Variants in CEP126 observed in about 807,000 individuals in gnomAD.
CEP126 encodes centrosomal protein 126.
CEP126 carries 74 observed loss-of-function variants against 107.8 expected under a neutral mutation model. The ratio of observed to expected loss-of-function variants is 0.69; its 90% confidence interval spans 0.57 to 0.83. CEP126 has a LOEUF of 0.83. CEP126 is among the 40% of genes least tolerant of loss of function. The probability of loss-of-function intolerance (pLI) is 0.00; values close to 1 mark genes in which losing one functional copy is unlikely to be tolerated. For missense variants in CEP126, 1,237 were observed against 1,281.9 expected (o/e 0.96, Z 0.53); for synonymous variants, 449 against 446.0 (o/e 1.01, Z -0.08).
chr11:101,941,747 A>C (rs1481642300), intron 2 of CEP126, among the ~76,000 whole-genome samples: 1 of 152,134 alleles, frequency 6.6e-6, no homozygotes, highest in Non-Finnish European at 1.5e-5. Flanking sequence ...ACCATGTTAC[A>C]TTTCCACCAG....
intron 1 of CEP126, among the ~76,000 whole-genome samples, chr11:101,919,657 A>G (rs1940291979): frequency 6.6e-6 from 1 of 152,214 alleles, no homozygotes; most frequent in South Asian, 2.1e-4. Flanking sequence ...CAGGAAACAT[A>G]CTATACTATT....
intron 6 of CEP126, among the ~76,000 whole-genome samples, chr11:101,973,089 C>T (rs116439254): frequency 0.021 from 3,132 of 152,266 alleles, 60 homozygotes; most frequent in African/African-American, 0.05. Context: ...CTAGTTTCCT[C>T]CTTTTATGAA....
chr11:101,918,701 C>G (rs1164186676), intron 1 of CEP126, among the ~76,000 whole-genome samples: 1 of 152,132 alleles, frequency 6.6e-6, no homozygotes, highest in Admixed American at 6.5e-5. Context: ...GGGAATAATT[C>G]AGGAGGTTTT....
intron 6 of CEP126, among the ~76,000 whole-genome samples, chr11:101,966,509 G>C (rs1267493458): frequency 6.6e-6 from 1 of 152,170 alleles, no homozygotes; most frequent in Non-Finnish European, 1.5e-5. Context: ...TTAGATCCAA[G>C]CCATTCGACT....
intron 10 of CEP126, 98 bp from the exon 11 acceptor site, chr11:101,997,501 A>T (rs999402946): frequency 1.3e-6 from 2 of 1,584,064 alleles, no homozygotes; most frequent in African/African-American, 2.7e-5. Context: ...TGATGTCAGG[A>T]TGTGTTGAAT....
At chr11:101,946,803 A>G (rs1940743088) in intron 3 of CEP126, among the ~76,000 whole-genome samples, 1 of 152,188 alleles carries the variant, frequency 6.6e-6, no homozygotes, top group Admixed American at 6.5e-5. Flanking sequence ...CAAAGGTCGT[A>G]GTAAGCAGAG....
At chr11:101,938,269 A>G (rs1940619855) in intron 2 of CEP126, among the ~76,000 whole-genome samples, 1 of 150,374 alleles carries the variant, frequency 6.7e-6, no homozygotes, top group Non-Finnish European at 1.5e-5. Flanking sequence ...GGCCTGAGGT[A>G]TTTGTAGTGA....
At chr11:101,974,232 A>T (rs1941167325) in intron 6 of CEP126, among the ~76,000 whole-genome samples, 1 of 152,220 alleles carries the variant, frequency 6.6e-6, no homozygotes, top group African/African-American at 2.4e-5. Flanking sequence ...TAACAAGCAG[A>T]TCTTTAGAAG....
chr11:101,928,766 C>G (rs759651957), intron 2 of CEP126, among the ~76,000 whole-genome samples: 2 of 152,074 alleles, frequency 1.3e-5, no homozygotes, highest in Non-Finnish European at 2.9e-5. Flanking sequence ...CCACCAATAC[C>G]CCACAATTTT....
At chr11:101,935,115 G>T (rs1362571779) in intron 2 of CEP126, among the ~76,000 whole-genome samples, 3 of 151,862 alleles carry the variant, frequency 2.0e-5, no homozygotes, top group African/African-American at 7.3e-5. Context: ...GTTTTCACTT[G>T]CCTGATGTGC....
intron 4 of CEP126, among the ~76,000 whole-genome samples, chr11:101,949,894 A>G (rs1940787244): frequency 6.6e-6 from 1 of 152,194 alleles, no homozygotes; most frequent in African/African-American, 2.4e-5. Flanking sequence ...CTGTGGTCCT[A>G]GGGAGAGGAA....
At chr11:101,984,079 C>CA (rs1246886716) in intron 8 of CEP126, among the ~76,000 whole-genome samples, 1 of 152,186 alleles carries the variant, frequency 6.6e-6, no homozygotes. Context: ...TGCTTTCCCC[C>CA]AAATATTACT....
chr11:101,973,472 C>T (rs1941156655), intron 6 of CEP126, among the ~76,000 whole-genome samples: 1 of 152,066 alleles, frequency 6.6e-6, no homozygotes, highest in Non-Finnish European at 1.5e-5. Context: ...ACAATGAGAA[C>T]ACGTGGACAC....
At chr11:101,983,931 C>A (rs906928856) in intron 8 of CEP126, among the ~76,000 whole-genome samples, 4 of 152,180 alleles carry the variant, frequency 2.6e-5, no homozygotes, top group South Asian at 4.1e-4. Flanking sequence ...CCAGGGACAT[C>A]TTTTCTGATT....
chr11:101,949,554 A>C (rs1940782341), intron 4 of CEP126, among the ~76,000 whole-genome samples: 1 of 152,182 alleles, frequency 6.6e-6, no homozygotes. Context: ...AAAGAAGAGA[A>C]GCTTGCAAAC....
At position 101,915,258 on chromosome 11, in the gene CEP126, A is replaced by C; in HGVS notation, c.-27A>C. 6.2e-7 allele frequency: 1 copy of C among 1,612,246 alleles called. No homozygotes were observed. Among genetic ancestry groups the C allele is most frequent in the Non-Finnish European group, 8.5e-7 (1 of 1,179,390 alleles). ...TGCCATGAGGGAGGTTCTGGGGGCGAGCAGACAGGCGGCGCTGAAGTGAAG... is the reference window on the plus strand; with the variant it reads ...TGCCATGAGGGAGGTTCTGGGGGCGCGCAGACAGGCGGCGCTGAAGTGAAG... On this transcript the variant is annotated 5_prime_UTR_variant, in exon 1 of 11. Coordinates refer to ENST00000263468, the MANE Select transcript of CEP126 (RefSeq NM_020802.4).
chr11:101,947,491 A>C (rs1406241337), intron 3 of CEP126, among the ~76,000 whole-genome samples: 1 of 152,170 alleles, frequency 6.6e-6, no homozygotes, highest in Non-Finnish European at 1.5e-5. Flanking sequence ...AAGGTTGTGC[A>C]GGGCAGTATA....
At chr11:101,991,148 CCTT>C (rs1404228731) in intron 9 of CEP126, among the ~76,000 whole-genome samples, 3 of 152,008 alleles carry the variant, frequency 2.0e-5, no homozygotes. Flanking sequence ...CTGCACTCCT[CCTT>C]GGGCAACGGA....
chr11:101,963,977 T>C (rs1276191379), intron 6 of CEP126, 97 bp downstream of exon 6: 1 of 732,932 alleles, frequency 1.4e-6, no homozygotes, highest in African/African-American at 1.8e-5. Flanking sequence ...ACATACTACA[T>C]AAATATTAAT....
Sources: allele counts gnomAD v4.1 joint callset (sites outside exome capture counted in the v4.1 genomes callset), GRCh38; gene constraint gnomAD v4.1.1; transcripts MANE v1.5; gene names NCBI Gene and HGNC (gene_info 2026-07-23, HGNC 2026-07-21).